The following DENND1A variants were observed in gnomAD, a reference collection of about 807,000 sequenced individuals.
DENND1A encodes DENN domain-containing protein 1A.
DENND1A carries 51 observed loss-of-function variants against 113.7 expected under a neutral mutation model. The observed-to-expected ratio is 0.45, with a 90% CI of 0.36 to 0.57. DENND1A has a LOEUF of 0.57. Among genes scored for constraint, DENND1A ranks in the 20% least tolerant of loss-of-function variants. DENND1A has a pLI of 0.00. For synonymous variants in DENND1A, 565 were observed against 570.8 expected (o/e 0.99, Z 0.14); for missense variants, 1,258 against 1,395.9 (o/e 0.90, Z 1.57).
chr9:123,885,005 AC>A (rs1564444490), intron 1 of DENND1A, among the ~76,000 whole-genome samples: 3 of 137,106 alleles, frequency 2.2e-5, no homozygotes, highest in African/African-American at 1.0e-4. Context: ...GCGCACACAC[AC>A]ACACACACAC....
chr9:123,911,846 A>G (rs978868017), intron 1 of DENND1A, among the ~76,000 whole-genome samples: 17 of 152,114 alleles, frequency 1.1e-4, no homozygotes, highest in Admixed American at 9.8e-4. Context: ...GCCCGCCACC[A>G]TGCCCGGCTA....
At chr9:123,659,491 C>T (rs2063123652) in intron 8 of DENND1A, among the ~76,000 whole-genome samples, 1 of 152,196 alleles carries the variant, frequency 6.6e-6, no homozygotes, top group South Asian at 2.1e-4. Context: ...TAATGTTCTT[C>T]AGCCCTCAGC....
intron 8 of DENND1A, 57 bp downstream of exon 8, chr9:123,666,969 T>A (rs765576589): frequency 2.1e-5 from 31 of 1,446,046 alleles, no homozygotes; most frequent in Non-Finnish European, 2.7e-5. Context: ...TTCAAACAAA[T>A]AGGCAGAAAA....
chr9:123,754,919 CTGAG>C (rs985734045), intron 5 of DENND1A, among the ~76,000 whole-genome samples: 4 of 152,188 alleles, frequency 2.6e-5, no homozygotes, highest in South Asian at 2.1e-4. Flanking sequence ...TCAAAATTTG[CTGAG>C]TGATAGTGCC....
chr9:123,625,932 C>CGGG lies in DENND1A; in HGVS notation c.719+4443_719+4444insCCC, dbSNP rs2061190636. On this transcript the variant is annotated intron_variant, in intron 10 of 23. Transcript: ENST00000394215. ...CGTGCGACAGGGTCTCATTCTGTCA[C>CGGG]CCAGACTGGAGGGCAGTGGCTCAAT... Among the ~76,000 whole-genome samples, 3 of 152,308 alleles carry CGGG rather than the reference C, an allele frequency of 2.0e-5. No individual in the cohort carries two copies. The South Asian group carries it at 6.2e-4, about 32-fold the overall frequency.
chr9:123,909,730 C>A (rs568250644), intron 1 of DENND1A, among the ~76,000 whole-genome samples: 27 of 152,032 alleles, frequency 1.8e-4, no homozygotes, highest in African/African-American at 5.8e-4. Context: ...GTATAAAGAT[C>A]AAAAACTAGG....
intron 19 of DENND1A, among the ~76,000 whole-genome samples, chr9:123,431,019 A>T (rs2046096927): frequency 6.6e-6 from 1 of 152,178 alleles, no homozygotes; most frequent in Non-Finnish European, 1.5e-5. Flanking sequence ...AACAAAAGCA[A>T]AAAACAAAAA....
At chr9:123,799,120 G>A (rs1252958192) in intron 2 of DENND1A, among the ~76,000 whole-genome samples, 1 of 152,100 alleles carries the variant, frequency 6.6e-6, no homozygotes, top group Non-Finnish European at 1.5e-5. Flanking sequence ...ATAAATAGAT[G>A]TATCATATGT....
At chr9:123,572,442 T>C (rs1448658798) in intron 12 of DENND1A, among the ~76,000 whole-genome samples, 1 of 152,200 alleles carries the variant, frequency 6.6e-6, no homozygotes, top group Non-Finnish European at 1.5e-5. Context: ...AGGTGTGGGA[T>C]CGCCTGGTCA....
intron 7 of DENND1A, among the ~76,000 whole-genome samples, chr9:123,669,489 C>G (rs2063656299): frequency 6.6e-6 from 1 of 152,238 alleles, no homozygotes. Flanking sequence ...CATGAAACAG[C>G]TGCGCCACCC....
At chr9:123,426,934 T>C (rs1230480134) in intron 19 of DENND1A, among the ~76,000 whole-genome samples, 2 of 152,296 alleles carry the variant, frequency 1.3e-5, no homozygotes, top group African/African-American at 2.4e-5. Context: ...CTGAAGAAGA[T>C]GCACACTCCC....
intron 3 of DENND1A, among the ~76,000 whole-genome samples, chr9:123,789,896 C>A (rs1366148973): frequency 6.6e-6 from 1 of 151,978 alleles, no homozygotes; most frequent in Non-Finnish European, 1.5e-5. Context: ...CGTCTCTGAT[C>A]AATGTGCTGG....
intron 12 of DENND1A, among the ~76,000 whole-genome samples, chr9:123,567,144 T>A (rs2058100121): frequency 6.6e-6 from 1 of 152,184 alleles, no homozygotes; most frequent in African/African-American, 2.4e-5. Flanking sequence ...AAAGAAGGGT[T>A]TTCCCCCCAT....
At chr9:123,918,205 CAG>C (rs1270894827) in intron 1 of DENND1A, among the ~76,000 whole-genome samples, 2 of 151,412 alleles carry the variant, frequency 1.3e-5, no homozygotes, top group Non-Finnish European at 2.9e-5. Context: ...TCCCACTGGA[CAG>C]GCCGGGCGTG....
intron 1 of DENND1A, among the ~76,000 whole-genome samples, chr9:123,920,295 G>A (rs1442585353): frequency 6.6e-6 from 1 of 152,168 alleles, no homozygotes; most frequent in Non-Finnish European, 1.5e-5. Context: ...GCCGGACATG[G>A]TGGCAGGTGC....
At chr9:123,783,030 G>A (rs1456828088) in intron 3 of DENND1A, among the ~76,000 whole-genome samples, 2 of 152,122 alleles carry the variant, frequency 1.3e-5, no homozygotes, top group African/African-American at 4.8e-5. Flanking sequence ...AAAAATGAAA[G>A]CTACCGCAGT....
At chr9:123,864,113 T>C (rs1194764517) in intron 2 of DENND1A, among the ~76,000 whole-genome samples, 1 of 152,026 alleles carries the variant, frequency 6.6e-6, no homozygotes, top group African/African-American at 2.4e-5. Context: ...AAAACAATGA[T>C]TTGATGTGAC....
At chr9:123,467,706 A>T (rs964914507) in intron 13 of DENND1A, among the ~76,000 whole-genome samples, 2 of 152,180 alleles carry the variant, frequency 1.3e-5, no homozygotes, top group African/African-American at 4.8e-5. Context: ...TAAAAATGTT[A>T]GGAATTTCAG....
At chr9:123,819,316 A>C (rs1838083327) in intron 2 of DENND1A, among the ~76,000 whole-genome samples, 1 of 152,200 alleles carries the variant, frequency 6.6e-6, no homozygotes, top group African/African-American at 2.4e-5. Flanking sequence ...TGTTTGGCTG[A>C]ATCCCTCACA....
Sources: gnomAD v4.1 joint callset for allele counts (sites outside exome capture counted in the v4.1 genomes callset) on GRCh38, gnomAD v4.1.1 for gene constraint, MANE v1.5 for transcripts, NCBI Gene and HGNC (gene_info 2026-07-23, HGNC 2026-07-21) for gene names.